FRAS1: variants seen among roughly 807,000 people sequenced by gnomAD.
FRAS1 encodes the protein Fraser extracellular matrix complex subunit 1, also known as extracellular matrix organizing protein FRAS1.
A neutral mutation model predicts 435.2 loss-of-function variants in FRAS1; 290 were observed. The ratio of observed to expected loss-of-function variants is 0.67; its 90% CI spans 0.61 to 0.73. The LOEUF (loss-of-function observed/expected upper bound fraction) is 0.73. Ranked by LOEUF, FRAS1 falls within the 30% of genes least tolerant of loss-of-function variation. The pLI is 0.00. For missense variants in FRAS1, 4,860 were observed against 5,001.5 expected, an observed-to-expected ratio of 0.97 and a Z score of 0.85; for synonymous variants, 1,800 against 1,851.0, an observed-to-expected ratio of 0.97 and a Z score of 0.71.
intron 72 of FRAS1, among the ~76,000 whole-genome samples, chr4:78,538,953 TAAAA>T (rs10545506): frequency 2.8e-4 from 37 of 134,014 alleles, no homozygotes; most frequent in African/African-American, 3.1e-4. Context: ...AGACTCCATC[TAAAA>T]AAAAAAAAAA....
intron 2 of FRAS1, among the ~76,000 whole-genome samples, chr4:78,233,250 C>T (rs191308679): frequency 2.0e-5 from 3 of 152,182 alleles, no homozygotes; most frequent in African/African-American, 4.8e-5. Flanking sequence ...TAAAAGCTGG[C>T]GTGGCCAACC....
Position 78,407,775 on chromosome 4 carries a change from C to T in FRAS1, c.4242C>T (p.Ile1414=), listed in dbSNP as rs774920669. 6.2e-7 allele frequency: 1 copy of T among 1,613,894 alleles called. No individual in the cohort carries two copies. Among genetic ancestry groups the T allele is most frequent in the Non-Finnish European group, 8.5e-7 (1 of 1,179,826 alleles). The change falls in exon 31 of 74, where the codon ATC becomes ATT. Residue 1414 remains isoleucine, a synonymous_variant. Coordinates refer to ENST00000512123, the MANE Select transcript of FRAS1 (RefSeq NM_025074.7). ...CCAGCACCTTCACCCAGCAGGACAT[C>T]AATGAAGGCATCGTATGGTACAGGC... ...TPTSTFTQQD[I]NEGIVWYRHS...
chr4:78,162,070 A>G (rs1034158175), intron 2 of FRAS1, among the ~76,000 whole-genome samples: 4 of 152,252 alleles, frequency 2.6e-5, no homozygotes, highest in East Asian at 1.9e-4. Context: ...TAAGTATAAA[A>G]TTGTGGCCAA....
chr4:78,478,066 G>A lies in FRAS1; in HGVS notation c.8098+5G>A, dbSNP rs1719907227. ...TTGCACCTATTGAAAGAAAAGGTCT[G>A]TTGGTTCCACAGGTGACAAAGAGCT... is the stretch of plus-strand genomic sequence containing the variant. On this transcript the variant is annotated splice_donor_5th_base_variant and intron_variant, in intron 55 of 73. Coordinates refer to ENST00000512123, the MANE Select transcript of FRAS1 (RefSeq NM_025074.7). 6.4e-7 allele frequency: 1 copy of A among 1,554,880 alleles called. No individual in the cohort carries two copies. The highest frequency in any genetic ancestry group is 8.7e-7 in the Non-Finnish European group (1 of 1,148,140).
At chr4:78,214,037 C>T (rs1186094454) in intron 2 of FRAS1, among the ~76,000 whole-genome samples, 14 of 152,156 alleles carry the variant, frequency 9.2e-5, no homozygotes, top group Admixed American at 3.9e-4. Context: ...TGTGCATCTT[C>T]GGGAAAGTAG....
intron 2 of FRAS1, among the ~76,000 whole-genome samples, chr4:78,185,320 G>C (rs890803578): frequency 6.6e-6 from 1 of 152,198 alleles, no homozygotes. Flanking sequence ...ATTGGCTTCA[G>C]CTTTGTTAAA....
At chr4:78,190,702 A>C (rs1395199301) in intron 2 of FRAS1, among the ~76,000 whole-genome samples, 1 of 149,046 alleles carries the variant, frequency 6.7e-6, no homozygotes, top group Non-Finnish European at 1.5e-5. Context: ...GAATTTGCTT[A>C]GTACATGTTA....
intron 69 of FRAS1, among the ~76,000 whole-genome samples, chr4:78,525,759 C>T (rs1490251200): frequency 6.6e-6 from 1 of 152,184 alleles, no homozygotes; most frequent in African/African-American, 2.4e-5. Flanking sequence ...GCCTTCCAGG[C>T]CACCTGACAG....
intron 41 of FRAS1, among the ~76,000 whole-genome samples, chr4:78,443,884 C>G (rs969859521): frequency 6.6e-6 from 1 of 152,140 alleles, no homozygotes; most frequent in Non-Finnish European, 1.5e-5. Flanking sequence ...GGTCTCGCCT[C>G]ATTGCCCAGG....
At position 78,237,393 on chromosome 4, in the gene FRAS1, C is replaced by T. The variant is rs955643270; in HGVS notation, c.109-117C>T. The T allele has an allele frequency of 3.7e-5, 25 of 669,712 alleles. No homozygotes were observed. The African/African-American group carries it at 4.3e-4, about 11-fold the overall frequency. 41.5% of individuals were successfully genotyped at this position (669,712 alleles called of 1,614,324 possible). A position where few individuals can be genotyped will look rare whatever the true frequency, so the allele number is the denominator to read the frequency against. ...CCAGCAAGTACTGTGTGTGGTGTGC[C>T]TGTGACTTTTCTTTGTCTTGTAATT... On this transcript the variant is annotated intron_variant, in intron 2 of 73. Transcript: ENST00000512123.
chr4:78,235,483 A>T (rs1724713091), intron 2 of FRAS1, among the ~76,000 whole-genome samples: 1 of 152,194 alleles, frequency 6.6e-6, no homozygotes, highest in South Asian at 2.1e-4. Context: ...TTGACTAAGG[A>T]AAACAGGGTG....
intron 69 of FRAS1, among the ~76,000 whole-genome samples, chr4:78,524,970 G>A (rs1157138272): frequency 6.6e-6 from 1 of 152,110 alleles, no homozygotes; most frequent in Non-Finnish European, 1.5e-5. Flanking sequence ...CAGAAACATG[G>A]GAAACAGGGT....
At chr4:78,078,008 G>T (rs1329663160) in intron 2 of FRAS1, among the ~76,000 whole-genome samples, 1 of 151,790 alleles carries the variant, frequency 6.6e-6, no homozygotes, top group Non-Finnish European at 1.5e-5. Flanking sequence ...TATTAGATGA[G>T]TTTATTGCAG....
intron 18 of FRAS1, among the ~76,000 whole-genome samples, chr4:78,330,739 A>T (rs968982680): frequency 6.6e-6 from 1 of 151,962 alleles, no homozygotes; most frequent in Non-Finnish European, 1.5e-5. Context: ...TGATTGCAAA[A>T]CCCTGTCTCC....
chr4:78,520,790 C>A (rs182833768), intron 67 of FRAS1, among the ~76,000 whole-genome samples: 135 of 152,312 alleles, frequency 8.9e-4, no homozygotes, highest in Non-Finnish European at 3.8e-4. Context: ...CCTACAGATA[C>A]AAAGGGCTGG....
intron 53 of FRAS1, among the ~76,000 whole-genome samples, chr4:78,474,358 A>G (rs976849941): frequency 3.3e-4 from 50 of 152,202 alleles, no homozygotes; most frequent in African/African-American, 1.2e-3. Context: ...TTAAGTCTAC[A>G]TTTCAGAGAC....
intron 70 of FRAS1, among the ~76,000 whole-genome samples, chr4:78,527,344 T>A (rs924517729): frequency 3.3e-5 from 5 of 152,106 alleles, no homozygotes; most frequent in African/African-American, 1.2e-4. Context: ...ATTCATTCAT[T>A]CATATTTATT....
At chr4:78,276,756 G>T (rs1221817453) in intron 9 of FRAS1, among the ~76,000 whole-genome samples, 1 of 152,188 alleles carries the variant, frequency 6.6e-6, no homozygotes, top group Non-Finnish European at 1.5e-5. Context: ...AGGCTACTTG[G>T]GGGTCAGGGA....
intron 2 of FRAS1, among the ~76,000 whole-genome samples, chr4:78,068,121 C>G (rs937069311): frequency 3.9e-5 from 6 of 152,108 alleles, no homozygotes; most frequent in African/African-American, 1.4e-4. Flanking sequence ...ACCTGCTATT[C>G]TATGCACTGG....
Sources: gnomAD v4.1 joint callset for allele counts (sites outside exome capture counted in the v4.1 genomes callset) on GRCh38, gnomAD v4.1.1 for gene constraint, MANE v1.5 for transcripts, NCBI Gene and HGNC (gene_info 2026-07-23, HGNC 2026-07-21) for gene names.